EYS: variants seen among roughly 807,000 people sequenced by gnomAD.
EYS encodes the protein EGF-like photoreceptor maintenance factor.
Under a neutral mutation model 282.1 loss-of-function variants are expected in EYS, and 250 were observed. The ratio of observed to expected loss-of-function variants is 0.89; its 90% CI spans 0.80 to 0.98. The LOEUF (loss-of-function observed/expected upper bound fraction) is 0.98. Ranked by LOEUF, EYS falls within the 50% of genes least tolerant of loss-of-function variation. The pLI, the probability that EYS is intolerant of heterozygous loss-of-function variation, is 0.00. For synonymous variants in EYS, 1,355 were observed against 1,282.9 expected, an observed-to-expected ratio of 1.06 and a Z score of -1.20; for missense variants, 4,016 against 3,709.0, an observed-to-expected ratio of 1.08 and a Z score of -2.15.
chr6:65,255,108 T>G lies in EYS; in HGVS notation c.2023+40755A>C, dbSNP rs148955834. Among the ~76,000 whole-genome samples the G allele has an allele frequency of 2.3e-4, 35 of 151,864 alleles. No individual in the cohort carries two copies. In the East Asian group the frequency reaches 5.6e-3, roughly 24 times the overall value. ...CAAAAAGAACAAAACTGGAGATATC[T>G]CATTACCTGACTTCAAATTATGCTA... On this transcript the variant is annotated intron_variant, in intron 12 of 42. Coordinates refer to ENST00000503581, the MANE Select transcript of EYS (RefSeq NM_001142800.2).
chr6:65,269,129 C>T (rs941223368), intron 12 of EYS, among the ~76,000 whole-genome samples: 3 of 152,080 alleles, frequency 2.0e-5, no homozygotes, highest in East Asian at 1.9e-4. Context: ...AAAATGACAA[C>T]CAAATCCTGC....
In EYS at chr6:65,332,203, A is replaced by G. The variant is rs1191955188; in HGVS notation, c.1766+2777T>C. 5 of 527,266 alleles carry G rather than the reference A, an allele frequency of 9.5e-6. No homozygotes were observed. Among genetic ancestry groups the G allele is most frequent in the Non-Finnish European group, 1.7e-5 (5 of 294,284 alleles). 32.7% of individuals were successfully genotyped at this position (527,266 alleles called of 1,614,324 possible). On this transcript the variant is annotated intron_variant, in intron 11 of 42. Coordinates refer to ENST00000503581, the MANE Select transcript of EYS (RefSeq NM_001142800.2). Reference sequence around the variant, plus strand: ...TATTTGTTGAGTGTTTGTTTCATAAAGTGTTGTGAGATTCTGTAATACAAT... The same window carrying G: ...TATTTGTTGAGTGTTTGTTTCATAAGGTGTTGTGAGATTCTGTAATACAAT...
intron 11 of EYS, chr6:65,329,896 A>ATT (rs1769734108): frequency 1.0e-6 from 1 of 980,176 alleles, no homozygotes; most frequent in Admixed American, 6.2e-5. Flanking sequence ...GGACTTTTAG[A>ATT]TTCTACACTT....
chr6:63,899,114 C>T (rs1416513047), intron 35 of EYS, among the ~76,000 whole-genome samples: 1 of 152,162 alleles, frequency 6.6e-6, no homozygotes, highest in Admixed American at 6.5e-5. Context: ...GACACTGGTT[C>T]TTAGAGAACA....
intron 22 of EYS, among the ~76,000 whole-genome samples, chr6:64,675,026 T>G (rs1769601679): frequency 6.6e-6 from 1 of 152,166 alleles, no homozygotes; most frequent in Non-Finnish European, 1.5e-5. Flanking sequence ...ATTTCTACTG[T>G]TGCCCAAATC....
At chr6:65,298,378 A>G (rs1474601504) in intron 11 of EYS, among the ~76,000 whole-genome samples, 4 of 152,030 alleles carry the variant, frequency 2.6e-5, no homozygotes, top group Non-Finnish European at 5.9e-5. Context: ...TAAGAGGAAG[A>G]TTTAATAGGA....
At chr6:64,000,953 T>C (rs994429798) in intron 33 of EYS, among the ~76,000 whole-genome samples, 3 of 152,152 alleles carry the variant, frequency 2.0e-5, no homozygotes, top group Non-Finnish European at 4.4e-5. Flanking sequence ...CCTGCCAAAT[T>C]GTGTCATAAG....
At chr6:64,458,675 AT>A (rs58340958) in intron 26 of EYS, among the ~76,000 whole-genome samples, 5,862 of 152,020 alleles carry the variant, frequency 0.039, 370 homozygotes, top group African/African-American at 0.13. Flanking sequence ...ATTGAATCTG[AT>A]TTTTTTAATG....
chr6:64,922,279 T>C (rs957329582), intron 15 of EYS, among the ~76,000 whole-genome samples: 4 of 152,206 alleles, frequency 2.6e-5, no homozygotes, highest in African/African-American at 9.6e-5. Context: ...TGTTTCTCAT[T>C]GACAAGGACA....
At position 65,008,920 on chromosome 6, in the gene EYS, C is replaced by A. The variant is rs564530740; in HGVS notation, c.2138-11217G>T. On this transcript the variant is annotated intron_variant, in intron 13 of 42. Coordinates refer to ENST00000503581, the MANE Select transcript of EYS (RefSeq NM_001142800.2). ...CTATCCGAGGGGGTCCTAGGACAGCCAGTCACTAGATACTTCTCCCAGCCA... is the reference window on the plus strand; with the variant it reads ...CTATCCGAGGGGGTCCTAGGACAGCAAGTCACTAGATACTTCTCCCAGCCA... Among the ~76,000 whole-genome samples, 4 of 152,256 alleles carry A rather than the reference C, an allele frequency of 2.6e-5. No individual in the cohort carries two copies. The South Asian group carries it at 8.3e-4, about 32-fold the overall frequency.
chr6:63,788,643 A>C (rs1770428220), intron 38 of EYS, among the ~76,000 whole-genome samples: 1 of 152,030 alleles, frequency 6.6e-6, no homozygotes, highest in African/African-American at 2.4e-5. Flanking sequence ...ATAAAAATAT[A>C]AACTTCTTAG....
intron 42 of EYS, among the ~76,000 whole-genome samples, chr6:63,724,264 C>T (rs929582443): frequency 1.1e-4 from 17 of 152,220 alleles, no homozygotes; most frequent in East Asian, 3.9e-4. Context: ...TTGTTTCTAC[C>T]TCATCATCTG....
At position 63,864,592 on chromosome 6, in the gene EYS, AT is replaced by A. The variant is rs1562066763; in HGVS notation, c.7056-235del. Among the ~76,000 whole-genome samples the A allele has an allele frequency of 3.3e-5, 5 of 152,164 alleles. No individual in the cohort carries two copies. The South Asian group carries it at 1.0e-3, about 31-fold the overall frequency. On this transcript the variant is annotated intron_variant, in intron 35 of 42. Transcript: ENST00000503581. The stretch of plus-strand genomic sequence containing the variant: ...TAGATTATCTGAAGCCATGAATTCT[AT>A]TTTAAGCCATCTATTTTTATTTTTG...
chr6:63,736,235 C>A (rs952935105), intron 41 of EYS, among the ~76,000 whole-genome samples: 1 of 152,160 alleles, frequency 6.6e-6, no homozygotes, highest in East Asian at 1.9e-4. Flanking sequence ...ACGTTTAAGT[C>A]TTTAATCCAT....
intron 12 of EYS, among the ~76,000 whole-genome samples, chr6:65,232,568 G>A (rs1766811454): frequency 6.6e-6 from 1 of 151,996 alleles, no homozygotes; most frequent in Non-Finnish European, 1.5e-5. Context: ...ATTGCACCGA[G>A]TTCCCATATA....
At chr6:64,348,913 T>C (rs1461100675) in intron 29 of EYS, among the ~76,000 whole-genome samples, 1 of 151,434 alleles carries the variant, frequency 6.6e-6, no homozygotes, top group Non-Finnish European at 1.5e-5. Context: ...TTACAAGTGA[T>C]GCTTATTGAA....
At chr6:64,413,153 AAGG>A in intron 28 of EYS, among the ~76,000 whole-genome samples, 1 of 152,148 alleles carries the variant, frequency 6.6e-6, no homozygotes, top group South Asian at 2.1e-4. Flanking sequence ...CTCTCCCTTA[AAGG>A]AGATTAGATA....
At chr6:64,297,260 C>T (rs948409261) in intron 30 of EYS, among the ~76,000 whole-genome samples, 2 of 152,070 alleles carry the variant, frequency 1.3e-5, no homozygotes, top group African/African-American at 4.8e-5. Context: ...TTACTCCCCA[C>T]CACCTTGAAC....
chr6:64,313,998 A>T (rs1475171200), intron 29 of EYS, among the ~76,000 whole-genome samples: 2 of 152,072 alleles, frequency 1.3e-5, no homozygotes, highest in African/African-American at 4.8e-5. Flanking sequence ...TAATGACAGG[A>T]TCAAATTCAC....
Sources: gnomAD v4.1 joint callset for allele counts (sites outside exome capture counted in the v4.1 genomes callset) on GRCh38, gnomAD v4.1.1 for gene constraint, MANE v1.5 for transcripts, NCBI Gene and HGNC (gene_info 2026-07-23, HGNC 2026-07-21) for gene names.